Variants in AEBP2 observed in about 807,000 individuals in gnomAD.
The protein encoded by AEBP2 is zinc finger protein AEBP2.
In AEBP2, 10 loss-of-function variants were observed where a neutral mutation model predicts 50.8. The observed-to-expected ratio is 0.20, with a 90% confidence interval of 0.12 to 0.33. The LOEUF is 0.33. AEBP2 is among the 10% of genes least tolerant of loss of function. AEBP2 has a pLI of 1.00. For missense variants in AEBP2, 570 were observed against 688.0 expected, an observed-to-expected ratio of 0.83 and a Z score of 1.92; for synonymous variants, 296 against 261.3, an observed-to-expected ratio of 1.13 and a Z score of -1.28.
intron 5 of AEBP2, among the ~76,000 whole-genome samples, chr12:19,510,478 T>C (rs1949217816): frequency 6.6e-6 from 1 of 152,212 alleles, no homozygotes; most frequent in African/African-American, 2.4e-5. Flanking sequence ...AGTAAAAATT[T>C]GATGTGAATT....
chr12:19,422,955 C>G (rs548647559), intron 1 of AEBP2, among the ~76,000 whole-genome samples: 2 of 147,552 alleles, frequency 1.4e-5, no homozygotes, highest in African/African-American at 5.0e-5. Flanking sequence ...ATCCCAGCTA[C>G]TCAGGAGGCT....
intron 1 of AEBP2, among the ~76,000 whole-genome samples, chr12:19,445,254 A>G (rs1245613121): frequency 6.6e-6 from 1 of 151,990 alleles, no homozygotes; most frequent in Non-Finnish European, 1.5e-5. Context: ...GCTGGAGTGC[A>G]GTGGTGCGAT....
upstream of AEBP2, among the ~76,000 whole-genome samples, chr12:19,436,905 G>C (rs566170011): frequency 6.6e-6 from 1 of 152,186 alleles, no homozygotes; most frequent in East Asian, 1.9e-4. Context: ...TGGCCCCCAT[G>C]CTGAGTACTT....
intron 1 of AEBP2, among the ~76,000 whole-genome samples, chr12:19,428,081 T>A (rs2153364973): frequency 6.6e-6 from 1 of 151,588 alleles, no homozygotes; most frequent in African/African-American, 2.4e-5. Context: ...CACAAAAAAA[T>A]ACAAAAATTA....
intron 1 of AEBP2, among the ~76,000 whole-genome samples, chr12:19,449,111 CAGT>C (rs1315247170): frequency 2.0e-5 from 3 of 152,120 alleles, no homozygotes; most frequent in Non-Finnish European, 4.4e-5. Context: ...TCAAGAATGA[CAGT>C]AGTCATTCTT....
chr12:19,404,862 T>C (rs2095735350), intron 1 of AEBP2, among the ~76,000 whole-genome samples: 1 of 152,046 alleles, frequency 6.6e-6, no homozygotes, highest in Admixed American at 6.6e-5. Context: ...CAGGGCCATA[T>C]GTTACGATAT....
chr12:19,518,881 T>C lies in AEBP2; in HGVS notation c.*764T>C. On this transcript the variant is annotated 3_prime_UTR_variant, in exon 8 of 8. Transcript: ENST00000266508. ...ACCTATATAACTAATCTGTTAACGG[T>C]TTTTGAAAAACCTTTCAAATTATTT... 1 of 446,202 alleles carries C rather than the reference T, an allele frequency of 2.2e-6. No homozygotes were observed. The allele number at this position is 446,202 out of a possible 1,614,324, so 27.6% of individuals were successfully genotyped here. A position where few individuals can be genotyped will look rare whatever the true frequency, so the allele number is the denominator to read the frequency against.
chr12:19,518,057 A>AT, intron 7 of AEBP2, 30 bp from the exon 8 acceptor site: 3 of 1,582,606 alleles, frequency 1.9e-6, no homozygotes, highest in Non-Finnish European at 2.6e-6. Context: ...ATTCAGTTGA[A>AT]TAAAAGGATT....
At chr12:19,495,737 T>C (rs1565730815) in intron 4 of AEBP2, among the ~76,000 whole-genome samples, 1 of 151,406 alleles carries the variant, frequency 6.6e-6, no homozygotes, top group Non-Finnish European at 1.5e-5. Context: ...ATGGTGGGGG[T>C]CTCTCTGTGT....
intron 1 of AEBP2, among the ~76,000 whole-genome samples, chr12:19,412,489 A>G (rs925473967): frequency 2.0e-5 from 3 of 152,066 alleles, no homozygotes; most frequent in Non-Finnish European, 4.4e-5. Flanking sequence ...CATGTTGGCC[A>G]GGATGGTCTC....
At chr12:19,453,109 C>T (rs370460634) in intron 1 of AEBP2, among the ~76,000 whole-genome samples, 75 of 151,898 alleles carry the variant, frequency 4.9e-4, no homozygotes, top group East Asian at 1.8e-3. Flanking sequence ...GCTGGGACCA[C>T]GGGTACCCGC....
chr12:19,493,441 A>T (rs1659274652), intron 3 of AEBP2, among the ~76,000 whole-genome samples: 1 of 152,182 alleles, frequency 6.6e-6, no homozygotes, highest in Non-Finnish European at 1.5e-5. Context: ...CATTGCCAGG[A>T]TATCTAATTA....
At chr12:19,480,845 C>G (rs1349217695) in intron 3 of AEBP2, among the ~76,000 whole-genome samples, 1 of 152,096 alleles carries the variant, frequency 6.6e-6, no homozygotes, top group Non-Finnish European at 1.5e-5. Flanking sequence ...TTAGCAAGGC[C>G]AGGGAAGTTT....
rs143871989 is a variant in AEBP2 at position 19,501,120 on chromosome 12, A to G, written c.1299+899A>G. ...CTAGGCAGGTGGATCACCTGAGGCCAGGAGTTCGAGACCAGCCTGGCCAAC... is the reference window on the plus strand; with the variant it reads ...CTAGGCAGGTGGATCACCTGAGGCCGGGAGTTCGAGACCAGCCTGGCCAAC... On this transcript the variant is annotated intron_variant, in intron 5 of 7. Coordinates refer to ENST00000266508, the MANE Select transcript of AEBP2 (RefSeq NM_153207.5). 3.7e-3 allele frequency among the ~76,000 whole-genome samples: 560 copies of G among 152,252 alleles called. 2 individuals carry two copies. In the Middle Eastern group the frequency reaches 0.051, roughly 14 times the overall value.
At chr12:19,455,160 A>ATT (rs34852339) in intron 1 of AEBP2, among the ~76,000 whole-genome samples, 9 of 145,710 alleles carry the variant, frequency 6.2e-5, no homozygotes, top group South Asian at 2.2e-4. Flanking sequence ...TGCCCAGCTA[A>ATT]TTTTTTTTTT....
intron 1 of AEBP2, among the ~76,000 whole-genome samples, chr12:19,460,502 T>A (rs1324124147): frequency 6.6e-6 from 1 of 151,474 alleles, no homozygotes; most frequent in Non-Finnish European, 1.5e-5. Flanking sequence ...TACAGGCGTG[T>A]GCCACCATGC....
intron 1 of AEBP2, among the ~76,000 whole-genome samples, chr12:19,406,059 C>T (rs539457316): frequency 4.4e-4 from 67 of 151,872 alleles, no homozygotes; most frequent in African/African-American, 1.4e-3. Context: ...CTCTGCCTCC[C>T]GAGTCAAAGG....
intron 1 of AEBP2, among the ~76,000 whole-genome samples, chr12:19,416,556 C>T (rs755964566): frequency 2.6e-5 from 4 of 151,850 alleles, no homozygotes; most frequent in Admixed American, 6.6e-5. Context: ...CAGGCACATG[C>T]CACCACACAC....
At chr12:19,451,432 G>C (rs7306641) in intron 1 of AEBP2, among the ~76,000 whole-genome samples, 151,840 of 152,288 alleles carry the variant, frequency 1, 75,700 homozygotes, top group Middle Eastern at 1. Context: ...CACGGGATCT[G>C]TTCCACTTTG....
Sources: gnomAD v4.1 joint callset for allele counts (sites outside exome capture counted in the v4.1 genomes callset) on GRCh38, gnomAD v4.1.1 for gene constraint, MANE v1.5 for transcripts, NCBI Gene and HGNC (gene_info 2026-07-23, HGNC 2026-07-21) for gene names.